Variants in SPMIP2 observed in about 807,000 individuals in gnomAD.
The protein encoded by SPMIP2 is sperm microtubule inner protein 2, also known as protein SPMIP2.
the SPMIP2 span, among the ~76,000 whole-genome samples, chr4:159,066,963 T>C: frequency 6.6e-6 from 1 of 152,166 alleles, no homozygotes; most frequent in African/African-American, 2.4e-5. Flanking sequence ...AGGTGGTGGT[T>C]TGTTGATTTA....
At chr4:158,955,464 C>T in the SPMIP2 span, among the ~76,000 whole-genome samples, 192 of 152,172 alleles carry the variant, frequency 1.3e-3, 3 homozygotes, top group East Asian at 0.034. Flanking sequence ...GAGTGCAGTT[C>T]CATGATCTCA....
At chr4:159,060,182 G>A in the SPMIP2 span, among the ~76,000 whole-genome samples, 1 of 152,144 alleles carries the variant, frequency 6.6e-6, no homozygotes, top group East Asian at 1.9e-4. Flanking sequence ...TTTACCAGCT[G>A]GGTCAGATAA....
the SPMIP2 span, among the ~76,000 whole-genome samples, chr4:159,037,977 C>T: frequency 6.6e-6 from 1 of 152,044 alleles, no homozygotes; most frequent in Non-Finnish European, 1.5e-5. Context: ...CTCTCTCTCT[C>T]TCTTTCTCTC....
the SPMIP2 span, among the ~76,000 whole-genome samples, chr4:159,014,750 A>C: frequency 6.6e-6 from 1 of 152,130 alleles, no homozygotes; most frequent in Non-Finnish European, 1.5e-5. Context: ...TCCCTGGGTT[A>C]CATTGGAAGA....
At chr4:158,929,835 T>C in the SPMIP2 span, among the ~76,000 whole-genome samples, 4 of 152,250 alleles carry the variant, frequency 2.6e-5, no homozygotes, top group African/African-American at 4.8e-5. Flanking sequence ...AAAAATATAT[T>C]AATACTGACT....
chr4:158,899,498 T>C, the SPMIP2 span, among the ~76,000 whole-genome samples: 1 of 152,240 alleles, frequency 6.6e-6, no homozygotes, highest in Non-Finnish European at 1.5e-5. Flanking sequence ...TTTTGGTTGG[T>C]AGGCTATTAA....
At chr4:158,991,672 A>T in the SPMIP2 span, among the ~76,000 whole-genome samples, 1 of 152,182 alleles carries the variant, frequency 6.6e-6, no homozygotes, top group Non-Finnish European at 1.5e-5. Flanking sequence ...TTCACTTAGA[A>T]CTACTTTGAT....
At chr4:159,072,487 C>T in the SPMIP2 span, among the ~76,000 whole-genome samples, 4 of 124,936 alleles carry the variant, frequency 3.2e-5, no homozygotes, top group Non-Finnish European at 4.8e-5. Flanking sequence ...GATAGGGTCT[C>T]ACTTTGTCAC....
chr4:158,993,995 C>T, the SPMIP2 span, among the ~76,000 whole-genome samples: 1 of 152,214 alleles, frequency 6.6e-6, no homozygotes, highest in African/African-American at 2.4e-5. Context: ...AAACCGAACA[C>T]TATGAGGCTT....
At chr4:159,032,577 T>A in the SPMIP2 span, among the ~76,000 whole-genome samples, 1 of 152,164 alleles carries the variant, frequency 6.6e-6, no homozygotes, top group African/African-American at 2.4e-5. Flanking sequence ...AAATTTTAAG[T>A]GTTAATTAAG....
the SPMIP2 span, among the ~76,000 whole-genome samples, chr4:158,978,924 G>A: frequency 6.6e-6 from 1 of 152,104 alleles, no homozygotes; most frequent in African/African-American, 2.4e-5. Flanking sequence ...GCTCTCTTCA[G>A]AGCCAACAGG....
At chr4:158,960,273 C>A in the SPMIP2 span, 1 of 1,460,972 alleles carries the variant, frequency 6.8e-7, no homozygotes, top group South Asian at 1.2e-5. Flanking sequence ...AAAATATATT[C>A]ATATTTGCTT....
At chr4:158,986,432 C>T in the SPMIP2 span, among the ~76,000 whole-genome samples, 1 of 152,178 alleles carries the variant, frequency 6.6e-6, no homozygotes, top group African/African-American at 2.4e-5. Flanking sequence ...GGTATCAAAA[C>T]AGAGATATAG....
chr4:158,987,790 TA>T, the SPMIP2 span, among the ~76,000 whole-genome samples: 30 of 151,294 alleles, frequency 2.0e-4, no homozygotes, highest in Non-Finnish European at 2.8e-4. Flanking sequence ...AATAATAAAA[TA>T]AAAATAAAAT....
chr4:158,938,925 A>T, the SPMIP2 span, among the ~76,000 whole-genome samples: 1 of 152,198 alleles, frequency 6.6e-6, no homozygotes, highest in Non-Finnish European at 1.5e-5. Flanking sequence ...AGGGTCATCT[A>T]TTAGAAGTGT....
At chr4:158,978,542 A>C in the SPMIP2 span, among the ~76,000 whole-genome samples, 1 of 152,096 alleles carries the variant, frequency 6.6e-6, no homozygotes, top group Admixed American at 6.6e-5. Context: ...ATAATAGTGG[A>C]AGACTTTACA....
At chr4:158,988,350 C>T in the SPMIP2 span, among the ~76,000 whole-genome samples, 673 of 152,186 alleles carry the variant, frequency 4.4e-3, 2 homozygotes, top group Non-Finnish European at 6.4e-3. Flanking sequence ...TCAAACTATT[C>T]CAAATAATAG....
At chr4:158,986,919 T>C in the SPMIP2 span, among the ~76,000 whole-genome samples, 3 of 138,504 alleles carry the variant, frequency 2.2e-5, no homozygotes, top group African/African-American at 8.1e-5. Context: ...TACAATGAAC[T>C]CAAACAAATT....
At chr4:159,001,399 T>C in the SPMIP2 span, among the ~76,000 whole-genome samples, 1 of 152,164 alleles carries the variant, frequency 6.6e-6, no homozygotes, top group Admixed American at 6.6e-5. Flanking sequence ...ATGTGCAAGT[T>C]TGTTATATAG....
Sources: allele counts gnomAD v4.1 joint callset (sites outside exome capture counted in the v4.1 genomes callset), GRCh38; gene constraint gnomAD v4.1.1; transcripts MANE v1.5; gene names NCBI Gene and HGNC (gene_info 2026-07-23, HGNC 2026-07-21).